The following TTC39C variants were observed in gnomAD, a reference collection of about 807,000 sequenced individuals.
TTC39C encodes the protein tetratricopeptide repeat domain 39C.
Under a neutral mutation model 76.3 loss-of-function variants are expected in TTC39C, and 33 were observed. The ratio of observed to expected loss-of-function variants is 0.43; its 90% CI spans 0.33 to 0.58. The LOEUF (loss-of-function observed/expected upper bound fraction) is 0.58, where lower values mean the gene tolerates loss of function less well. Ranked by LOEUF, TTC39C falls within the 20% of genes least tolerant of loss-of-function variation. TTC39C has a pLI of 0.04. For missense variants in TTC39C, 595 were observed against 701.4 expected, an observed-to-expected ratio of 0.85 and a Z score of 1.71; for synonymous variants, 254 against 260.6, an observed-to-expected ratio of 0.97 and a Z score of 0.24.
chr18:24,077,665 A>G (rs2084323828), intron 4 of TTC39C, among the ~76,000 whole-genome samples: 1 of 152,196 alleles, frequency 6.6e-6, no homozygotes, highest in Non-Finnish European at 1.5e-5. Flanking sequence ...TCAATAGCCA[A>G]TCGATATTTT....
intron 1 of TTC39C, among the ~76,000 whole-genome samples, chr18:24,021,539 C>CTTTTTTTTTTT (rs60505555): frequency 8.4e-6 from 1 of 118,896 alleles, no homozygotes; most frequent in Non-Finnish European, 1.7e-5. Flanking sequence ...TTCTTTCCTT[C>CTTTTTTTTTTT]TTTTTTTTTT....
rs2085157835 is a variant in TTC39C, at chr18:24,133,294, G to T, written c.*720G>T. 1 of 152,162 alleles carries T rather than the reference G, an allele frequency of 6.6e-6. No homozygotes were observed. The highest frequency in any genetic ancestry group is 2.4e-5 in the African/African-American group (1 of 41,436). 9.4% of individuals were successfully genotyped at this position (152,162 alleles called of 1,614,324 possible). On this transcript the variant is annotated 3_prime_UTR_variant, in exon 14 of 14. Transcript: ENST00000317571. ...AGCTGAAGTTATGTCACCAGAAATA[G>T]TCATCTCCAGATTGTCTACAGAATG...
intron 6 of TTC39C, among the ~76,000 whole-genome samples, chr18:24,101,305 T>TATA (rs2084670370): frequency 7.2e-6 from 1 of 139,456 alleles, no homozygotes; most frequent in Non-Finnish European, 1.5e-5. Flanking sequence ...TAATTTTTCA[T>TATA]AAAAAAAAAA....
intron 1 of TTC39C, among the ~76,000 whole-genome samples, chr18:24,037,969 G>A (rs773168287): frequency 6.6e-5 from 10 of 152,114 alleles, no homozygotes; most frequent in Non-Finnish European, 1.3e-4. Context: ...CTCAGCCTGG[G>A]GTCAGTGGAA....
chr18:24,102,563 T>C (rs1351129631), intron 6 of TTC39C, among the ~76,000 whole-genome samples: 2 of 151,884 alleles, frequency 1.3e-5, no homozygotes, highest in Non-Finnish European at 2.9e-5. Flanking sequence ...GTGGGGACCG[T>C]CTTTAGGATG....
In TTC39C at chr18:24,128,887, T is replaced by G; in HGVS notation, c.1422T>G (p.Ala474=). ...SFPNLQRMSQ[A]CHEVDDSSVV... ...CTGTTCACTCCCCTTCTTTTTAAGC[T>G]TGCCATGAAGTGGATGACTCATCTG... is the stretch of plus-strand genomic sequence containing the variant. The change falls in exon 11 of 14, where the codon GCT becomes GCG. Residue 474 remains alanine, a splice_region_variant and synonymous_variant. Coordinates refer to ENST00000317571, the MANE Select transcript of TTC39C (RefSeq NM_001135993.2). 4 of 1,612,700 alleles carry G rather than the reference T, an allele frequency of 2.5e-6. No homozygotes were observed. The highest frequency in any genetic ancestry group is 3.4e-6 in the Non-Finnish European group (4 of 1,179,462).
At chr18:24,026,396 G>C (rs1281919567) in intron 1 of TTC39C, among the ~76,000 whole-genome samples, 2 of 152,174 alleles carry the variant, frequency 1.3e-5, no homozygotes, top group Non-Finnish European at 2.9e-5. Flanking sequence ...AAGTTCCATG[G>C]TCTTTAGAAG....
chr18:24,027,970 C>T (rs2083619033), intron 1 of TTC39C, among the ~76,000 whole-genome samples: 1 of 152,162 alleles, frequency 6.6e-6, no homozygotes, highest in Non-Finnish European at 1.5e-5. Context: ...GCCAGGTTTG[C>T]ACAGAAAAGA....
Position 24,080,632 on chromosome 18 carries a change from A to G in TTC39C, c.508A>G (p.Asn170Asp). Residue 170 changes from asparagine (N) to aspartate (D), a missense_variant, in exon 5 of 14, where the codon AAT (asparagine) becomes GAT (aspartate). Coordinates refer to ENST00000317571, the MANE Select transcript of TTC39C (RefSeq NM_001135993.2). ...WILRKAWKIY[N>D]KCYLDINALQ... is the part of the protein sequence containing the mutation. The stretch of plus-strand genomic sequence containing the variant: ...CCTTAGGAAAGCCTGGAAGATTTAC[A>G]ATAAATGCTATCTGGACATCAATGC... 3 of 1,613,846 alleles carry G rather than the reference A, an allele frequency of 1.9e-6. No homozygotes were observed. The highest frequency in any genetic ancestry group is 2.5e-6 in the Non-Finnish European group (3 of 1,179,884).
intron 2 of TTC39C, among the ~76,000 whole-genome samples, chr18:24,064,824 A>G (rs1053372734): frequency 2.0e-5 from 3 of 152,222 alleles, no homozygotes; most frequent in Admixed American, 1.3e-4. Flanking sequence ...AGATTGGGAA[A>G]GATGTCAGCA....
chr18:24,122,008 A>G (rs565942755), intron 8 of TTC39C, among the ~76,000 whole-genome samples: 10 of 152,272 alleles, frequency 6.6e-5, no homozygotes, highest in Admixed American at 5.2e-4. Flanking sequence ...CCTTCCTTTG[A>G]ATATTCAGCC....
chr18:24,094,648 C>T (rs1221556717), intron 6 of TTC39C, among the ~76,000 whole-genome samples: 1 of 152,214 alleles, frequency 6.6e-6, no homozygotes. Context: ...TCCATCAGAG[C>T]TCTTGGGTGG....
intron 6 of TTC39C, among the ~76,000 whole-genome samples, chr18:24,107,896 G>GGT (rs1555776829): frequency 3.2e-5 from 4 of 124,252 alleles, no homozygotes; most frequent in South Asian, 5.2e-4. Context: ...GTAGGGGGGG[G>GGT]GGTACAGGCA....
intron 1 of TTC39C, among the ~76,000 whole-genome samples, chr18:24,038,301 G>C (rs1463839143): frequency 2.0e-5 from 3 of 152,176 alleles, no homozygotes; most frequent in African/African-American, 7.2e-5. Context: ...TATTATTCTT[G>C]AGACAGAGTC....
intron 1 of TTC39C, among the ~76,000 whole-genome samples, chr18:23,995,752 C>G (rs1281877747): frequency 2.0e-5 from 3 of 151,960 alleles, no homozygotes; most frequent in Non-Finnish European, 4.4e-5. Context: ...CACCTGTAGT[C>G]CCAGCTACTC....
At position 24,085,990 on chromosome 18, in the gene TTC39C, T is replaced by C. The variant is rs550399337; in HGVS notation, c.984+2909T>C. Reference sequence around the variant, plus strand: ...AGAAATGACCATGTCATCCTTCATTTGCAGATGAGGAACTCTGCCCAGGGA... The same window carrying C: ...AGAAATGACCATGTCATCCTTCATTCGCAGATGAGGAACTCTGCCCAGGGA... On this transcript the variant is annotated intron_variant, in intron 6 of 13. Transcript: ENST00000317571. Among the ~76,000 whole-genome samples, 4 of 152,378 alleles carry C rather than the reference T, an allele frequency of 2.6e-5. No homozygotes were observed. In the South Asian group the frequency reaches 8.3e-4, roughly 32 times the overall value.
chr18:24,019,859 G>A (rs1568406666), intron 1 of TTC39C: 1 of 1,526,694 alleles, frequency 6.6e-7, no homozygotes, highest in East Asian at 2.5e-5. Flanking sequence ...GCCTTTTACA[G>A]AAAAAGTTTT....
At position 24,130,344 on chromosome 18, in the gene TTC39C, G is replaced by T; in HGVS notation, c.1550G>T (p.Cys517Phe). 6.3e-7 allele frequency: 1 copy of T among 1,589,284 alleles called. No individual in the cohort carries two copies. The highest frequency in any genetic ancestry group is 1.2e-5 in the South Asian group (1 of 86,652). The change falls in exon 12 of 14, where the codon TGT (cysteine) becomes TTT (phenylalanine). Residue 517 changes from cysteine (C) to phenylalanine (F), a missense_variant. Cys to Phe is a radical substitution (Grantham distance 205). Transcript: ENST00000317571. ...YFQRAVKDEL[C>F]RQNNLYVQPY... ...CAGCGAGCTGTTAAAGATGAATTGT[G>T]TCGTCAGAATAACTTATATGTTCAG... is the stretch of plus-strand genomic sequence containing the variant.
At chr18:24,068,857 T>G (rs1021350510) in intron 3 of TTC39C, among the ~76,000 whole-genome samples, 6 of 152,232 alleles carry the variant, frequency 3.9e-5, no homozygotes, top group Non-Finnish European at 8.8e-5. Context: ...TCATATTGTT[T>G]GTTTTTAAAA....
Sources: allele counts gnomAD v4.1 joint callset (sites outside exome capture counted in the v4.1 genomes callset), GRCh38; gene constraint gnomAD v4.1.1; transcripts MANE v1.5; gene names NCBI Gene and HGNC (gene_info 2026-07-23, HGNC 2026-07-21).